The following CHODL variants were observed in gnomAD, a reference collection of about 807,000 sequenced individuals.
The protein encoded by CHODL is chondrolectin.
In CHODL, 29 loss-of-function variants were observed where a neutral mutation model predicts 34.5. That is an observed-to-expected ratio of 0.84 (90% CI 0.63 to 1.15). The LOEUF is 1.15. Among genes scored for constraint, CHODL ranks in the 50% most tolerant of loss-of-function variants. The pLI is 0.00. For missense variants in CHODL, 332 were observed against 332.5 expected (o/e 1.00, Z 0.01); for synonymous variants, 125 against 116.1 (o/e 1.08, Z -0.49).
At chr21:18,010,368 C>G (rs148384754) in intron 1 of CHODL, among the ~76,000 whole-genome samples, 2 of 149,142 alleles carry the variant, frequency 1.3e-5, no homozygotes, top group Non-Finnish European at 3.0e-5. Flanking sequence ...TCAGGAAAGT[C>G]TCCTGGTGGG....
chr21:18,215,218 T>C (rs1254292536), intron 2 of CHODL, among the ~76,000 whole-genome samples: 2 of 151,934 alleles, frequency 1.3e-5, no homozygotes, highest in African/African-American at 2.4e-5. Context: ...AAAAAGGTTT[T>C]ATCAGAATCT....
At chr21:18,072,005 T>A (rs562473997) in intron 2 of CHODL, among the ~76,000 whole-genome samples, 51 of 152,220 alleles carry the variant, frequency 3.4e-4, no homozygotes, top group African/African-American at 1.2e-3. Flanking sequence ...AAATCTTTTT[T>A]AAATAGTTTG....
At chr21:18,114,102 T>C (rs1304132303) in intron 2 of CHODL, among the ~76,000 whole-genome samples, 1 of 152,120 alleles carries the variant, frequency 6.6e-6, no homozygotes, top group African/African-American at 2.4e-5. Context: ...AGGAATTTAA[T>C]GGACACAGAA....
chr21:18,020,704 G>C (rs893447219), intron 1 of CHODL, among the ~76,000 whole-genome samples: 1 of 152,168 alleles, frequency 6.6e-6, no homozygotes, highest in Non-Finnish European at 1.5e-5. Context: ...TATAGATGTT[G>C]AGGTCCTAAC....
intron 2 of CHODL, among the ~76,000 whole-genome samples, chr21:18,130,214 A>T (rs1050153576): frequency 2.0e-5 from 3 of 152,190 alleles, no homozygotes; most frequent in African/African-American, 7.2e-5. Flanking sequence ...AGTGGTAATA[A>T]TCGTATCTTT....
At chr21:18,108,989 G>T (rs2065313147) in intron 2 of CHODL, among the ~76,000 whole-genome samples, 1 of 152,054 alleles carries the variant, frequency 6.6e-6, no homozygotes, top group Admixed American at 6.6e-5. Context: ...CAGACTGACA[G>T]CTATAAGAGA....
intron 1 of CHODL, among the ~76,000 whole-genome samples, chr21:17,990,637 G>A (rs974108558): frequency 3.3e-5 from 5 of 151,894 alleles, no homozygotes; most frequent in Non-Finnish European, 7.4e-5. Flanking sequence ...TTAAATGTTC[G>A]TGTTCTTGAA....
chr21:17,980,729 T>C (rs1371090968), intron 1 of CHODL, among the ~76,000 whole-genome samples: 2 of 152,318 alleles, frequency 1.3e-5, no homozygotes, highest in East Asian at 3.9e-4. Flanking sequence ...TAAATACTTC[T>C]GAGGAGTCTG....
intron 2 of CHODL, among the ~76,000 whole-genome samples, chr21:18,140,164 A>G (rs117176234): frequency 0.015 from 2,288 of 152,308 alleles, 42 homozygotes; most frequent in Non-Finnish European, 0.02. Context: ...TGAGCTGCGA[A>G]TAAATGGAAA....
At chr21:17,990,474 T>C (rs2094047315) in intron 1 of CHODL, among the ~76,000 whole-genome samples, 2 of 152,268 alleles carry the variant, frequency 1.3e-5, no homozygotes, top group South Asian at 4.1e-4. Context: ...TTAGCCAAAA[T>C]ACTGGGATGT....
chr21:18,133,906 T>G (rs2072688665), intron 2 of CHODL, among the ~76,000 whole-genome samples: 1 of 152,132 alleles, frequency 6.6e-6, no homozygotes, highest in South Asian at 2.1e-4. Context: ...TCAGAATAAC[T>G]TAGTTTGCAA....
At chr21:18,173,935 T>G (rs1315519915) in intron 2 of CHODL, among the ~76,000 whole-genome samples, 1 of 151,248 alleles carries the variant, frequency 6.6e-6, no homozygotes, top group Non-Finnish European at 1.5e-5. Context: ...GACTTGTTTG[T>G]AAGGTACTTA....
At chr21:17,978,782 C>T (rs2063691375) in intron 1 of CHODL, among the ~76,000 whole-genome samples, 1 of 151,640 alleles carries the variant, frequency 6.6e-6, no homozygotes, top group South Asian at 2.1e-4. Flanking sequence ...CCTCTGGACT[C>T]TTAATGGGGG....
At chr21:18,154,073 C>G (rs772142690) in intron 2 of CHODL, among the ~76,000 whole-genome samples, 2 of 152,118 alleles carry the variant, frequency 1.3e-5, no homozygotes, top group Non-Finnish European at 2.9e-5. Flanking sequence ...TATAATTTCC[C>G]TTTATACTAG....
At chr21:18,187,519 A>G (rs1351266943) in intron 2 of CHODL, among the ~76,000 whole-genome samples, 3 of 152,188 alleles carry the variant, frequency 2.0e-5, no homozygotes, top group African/African-American at 7.2e-5. Context: ...GTGATATTAT[A>G]GTTTACTGTT....
chr21:18,095,609 A>G (rs1293801493), intron 2 of CHODL, among the ~76,000 whole-genome samples: 5 of 152,166 alleles, frequency 3.3e-5, no homozygotes, highest in African/African-American at 1.2e-4. Flanking sequence ...CTACTCAAAC[A>G]TTCTGAAAAA....
At chr21:18,207,628 C>T (rs1568937388) in intron 2 of CHODL, among the ~76,000 whole-genome samples, 1 of 137,152 alleles carries the variant, frequency 7.3e-6, no homozygotes, top group Non-Finnish European at 1.5e-5. Flanking sequence ...TATTGTAGGA[C>T]AGGTCTGGTG....
At chr21:17,968,194 C>A (rs2063587908) in intron 1 of CHODL, among the ~76,000 whole-genome samples, 1 of 152,224 alleles carries the variant, frequency 6.6e-6, no homozygotes, top group Admixed American at 6.5e-5. Context: ...CCTCCTCCTC[C>A]ATAGTCATGC....
chr21:18,264,234 G>T (rs904457685), intron 5 of CHODL, among the ~76,000 whole-genome samples: 3 of 152,056 alleles, frequency 2.0e-5, no homozygotes, highest in African/African-American at 7.2e-5. Flanking sequence ...TGGGAACTGG[G>T]GCTGGGATGG....
Sources: gnomAD v4.1 joint callset for allele counts (sites outside exome capture counted in the v4.1 genomes callset) on GRCh38, gnomAD v4.1.1 for gene constraint, MANE v1.5 for transcripts, NCBI Gene and HGNC (gene_info 2026-07-23, HGNC 2026-07-21) for gene names.